Variants in BLTP2 observed in about 807,000 individuals in gnomAD.
The protein encoded by BLTP2 is U937-associated antigen.
At chr17:28,625,648 A>G in the BLTP2 span, among the ~76,000 whole-genome samples, 1 of 152,076 alleles carries the variant, frequency 6.6e-6, no homozygotes, top group African/African-American at 2.4e-5. Flanking sequence ...TAGTCGTTAT[A>G]ATTTTCTCCC....
the BLTP2 span, chr17:28,614,993 C>T: frequency 6.9e-7 from 1 of 1,449,616 alleles, no homozygotes; most frequent in South Asian, 1.3e-5. Flanking sequence ...CGGGAAGCCC[C>T]TCCCACCCCA....
chr17:28,643,602 G>C, the BLTP2 span: 5 of 1,611,782 alleles, frequency 3.1e-6, no homozygotes, highest in Non-Finnish European at 4.2e-6. Flanking sequence ...AGAATATAGG[G>C]TACTCACGGA....
At chr17:28,639,407 G>A in the BLTP2 span, 3 of 1,613,894 alleles carry the variant, frequency 1.9e-6, no homozygotes, top group African/African-American at 2.7e-5. Context: ...GGTGCCGGTA[G>A]TGAATGATGC....
chr17:28,643,551 T>C, the BLTP2 span: 3 of 1,546,176 alleles, frequency 1.9e-6, no homozygotes, highest in South Asian at 3.3e-5. Context: ...AGTGTCACTC[T>C]GCAAACACCA....
the BLTP2 span, chr17:28,631,738 C>CA: frequency 1.2e-6 from 2 of 1,604,626 alleles, no homozygotes; most frequent in Admixed American, 1.7e-5. Flanking sequence ...TAGTGTAAGA[C>CA]AGAGATGGAG....
the BLTP2 span, chr17:28,623,661 A>C: frequency 1.0e-6 from 1 of 971,616 alleles, no homozygotes; most frequent in Admixed American, 1.9e-5. Flanking sequence ...TTATTCTGCT[A>C]AGCTAGTAAC....
the BLTP2 span, chr17:28,631,686 GAA>G: frequency 3.1e-6 from 5 of 1,613,838 alleles, no homozygotes; most frequent in Admixed American, 1.7e-5. Flanking sequence ...TGCCTGCTGA[GAA>G]AAAGAGGCAC....
chr17:28,634,651 G>T, the BLTP2 span: 36 of 1,614,080 alleles, frequency 2.2e-5, no homozygotes, highest in Non-Finnish European at 3.0e-5. Flanking sequence ...ATGGAAGGAG[G>T]CATCTGCCAG....
the BLTP2 span, among the ~76,000 whole-genome samples, chr17:28,636,714 T>A: frequency 2.6e-4 from 39 of 152,226 alleles, no homozygotes; most frequent in Non-Finnish European, 1.3e-4. Context: ...TCAGGTGTCA[T>A]ATTTCTCATG....
At chr17:28,634,999 G>A in the BLTP2 span, 2 of 1,613,328 alleles carry the variant, frequency 1.2e-6, no homozygotes, top group Non-Finnish European at 1.7e-6. Flanking sequence ...GAGTGGGACA[G>A]GGCTTGGAGA....
the BLTP2 span, chr17:28,639,554 T>C: frequency 6.2e-7 from 1 of 1,613,772 alleles, no homozygotes; most frequent in Non-Finnish European, 8.5e-7. Flanking sequence ...GGAACAATTC[T>C]TGGTACCACA....
At chr17:28,616,373 T>C in the BLTP2 span, 43 of 1,614,042 alleles carry the variant, frequency 2.7e-5, no homozygotes, top group Middle Eastern at 1.6e-4. The surrounding 1 kb of genome is among the most constrained non-coding windows in gnomAD (Gnocchi z 4.8). Context: ...GGGGCATGTT[T>C]GGTACCTCTG....
the BLTP2 span, chr17:28,628,607 G>A: frequency 1.7e-5 from 26 of 1,502,286 alleles, no homozygotes; most frequent in Non-Finnish European, 2.4e-5. Flanking sequence ...ATTGCCCCCA[G>A]TGCCACAGAG....
chr17:28,624,133 T>C, the BLTP2 span: 4 of 1,448,898 alleles, frequency 2.8e-6, no homozygotes, highest in Non-Finnish European at 3.8e-6. Context: ...GCCAAATTTT[T>C]TGGAGCTCTA....
chr17:28,643,148 G>C, the BLTP2 span: 1 of 1,614,104 alleles, frequency 6.2e-7, no homozygotes, highest in Non-Finnish European at 8.5e-7. Context: ...CAGGATAGCA[G>C]GAGAAGTTGT....
the BLTP2 span, chr17:28,639,120 A>T: frequency 1.6e-6 from 1 of 622,560 alleles, no homozygotes; most frequent in East Asian, 2.7e-5. Flanking sequence ...AGGACATAAA[A>T]ACAAAGAGGA....
At chr17:28,644,315 C>G in the BLTP2 span, 3 of 984,198 alleles carry the variant, frequency 3.0e-6, no homozygotes, top group South Asian at 4.7e-5. Context: ...CTCCTTTCTT[C>G]CAAAGCACCA....
At chr17:28,640,082 T>A in the BLTP2 span, 1 of 1,589,528 alleles carries the variant, frequency 6.3e-7, no homozygotes, top group East Asian at 2.2e-5. Flanking sequence ...CTACTTCTTT[T>A]ACTTTTATTT....
At chr17:28,619,579 T>C in the BLTP2 span, 26 of 1,590,852 alleles carry the variant, frequency 1.6e-5, no homozygotes, top group Non-Finnish European at 2.1e-5. Flanking sequence ...CTAAAGACAG[T>C]CAAAACATGG....
Sources: allele counts gnomAD v4.1 joint callset (sites outside exome capture counted in the v4.1 genomes callset), GRCh38; gene constraint gnomAD v4.1.1; non-coding constraint Gnocchi (gnomAD v3.1); transcripts MANE v1.5; gene names NCBI Gene and HGNC (gene_info 2026-07-23, HGNC 2026-07-21).